ABLIM3: variants seen among roughly 807,000 people sequenced by gnomAD.
ABLIM3 encodes actin-binding LIM protein 3.
Under a neutral mutation model 109.5 loss-of-function variants are expected in ABLIM3, and 61 were observed. The observed-to-expected ratio is 0.56, with a 90% CI of 0.45 to 0.69. The LOEUF (loss-of-function observed/expected upper bound fraction) is 0.69, where lower values mean the gene tolerates loss of function less well. ABLIM3 is among the 30% of genes least tolerant of loss of function. The pLI, the probability that ABLIM3 is intolerant of heterozygous loss-of-function variation, is 0.00. For synonymous variants in ABLIM3, 300 were observed against 324.8 expected (o/e 0.92, Z 0.82); for missense variants, 796 against 889.5 (o/e 0.89, Z 1.34).
chr5:149,154,612 G>C lies in ABLIM3; in HGVS notation c.13+12504G>C, dbSNP rs529140494. ...CAACAATCTTACATGGGCCTTCCTTGAATTCTGTGTCTAGGGAATATCCCC... is the reference window on the plus strand; with the variant it reads ...CAACAATCTTACATGGGCCTTCCTTCAATTCTGTGTCTAGGGAATATCCCC... On this transcript the variant is annotated intron_variant, in intron 2 of 23. Coordinates refer to ENST00000309868, the MANE Select transcript of ABLIM3 (RefSeq NM_014945.5). Among the ~76,000 whole-genome samples the C allele has an allele frequency of 2.0e-5, 3 of 152,242 alleles. No individual in the cohort carries two copies. In the East Asian group the frequency reaches 5.8e-4, roughly 29 times the overall value.
rs368655320 is a variant in ABLIM3 at position 149,183,444 on chromosome 5, T to C, written c.14-8T>C. ...CTCTGGATAGTGATCTCTTTGTTTC[T>C]TTTACAGTTCCTTATCAGCAGAATC... On this transcript the variant is annotated splice_polypyrimidine_tract_variant and splice_region_variant and intron_variant, in intron 2 of 23. Coordinates refer to ENST00000309868, the MANE Select transcript of ABLIM3 (RefSeq NM_014945.5). 903 of 1,525,320 alleles carry C rather than the reference T, an allele frequency of 5.9e-4. No individual in the cohort carries two copies. Among genetic ancestry groups the C allele is most frequent in the Middle Eastern group, 3.8e-3 (22 of 5,742 alleles). The allele number at this position is 1,525,320 out of a possible 1,614,324, so 94.5% of individuals were successfully genotyped here.
intron 2 of ABLIM3, among the ~76,000 whole-genome samples, chr5:149,142,935 A>G (rs13153921): frequency 0.44 from 66,421 of 151,770 alleles, 15,135 homozygotes; most frequent in Admixed American, 0.56. Flanking sequence ...TGTCTAGGTT[A>G]TTCCAGCATC....
intron 2 of ABLIM3, among the ~76,000 whole-genome samples, chr5:149,170,228 T>TTCTCTCTCTCTCTCTCTCTCTCTCTC (rs10644957): frequency 1.4e-4 from 17 of 124,658 alleles, no homozygotes; most frequent in African/African-American, 4.7e-4. Flanking sequence ...AGGGTTCTGT[T>TTCTCTCTCTCTCTCTCTCTCTCTCTC]TCTCTCTCTC....
chr5:149,231,933 C>A (rs894041206), intron 9 of ABLIM3, among the ~76,000 whole-genome samples: 6 of 152,158 alleles, frequency 3.9e-5, no homozygotes, highest in African/African-American at 1.4e-4. Flanking sequence ...AAAATAAATT[C>A]AATGATAATG....
At chr5:149,216,298 G>A (rs1052435038) in intron 7 of ABLIM3, among the ~76,000 whole-genome samples, 1 of 152,150 alleles carries the variant, frequency 6.6e-6, no homozygotes, top group Non-Finnish European at 1.5e-5. Context: ...ACTTATATAC[G>A]ACATAACAGG....
At chr5:149,179,331 T>C (rs1035542049) in intron 2 of ABLIM3, among the ~76,000 whole-genome samples, 1 of 152,128 alleles carries the variant, frequency 6.6e-6, no homozygotes, top group Non-Finnish European at 1.5e-5. Flanking sequence ...TGTTTTGTCT[T>C]AAAAAATTAT....
chr5:149,212,671 GC>G (rs2127519189), intron 7 of ABLIM3, among the ~76,000 whole-genome samples: 1 of 152,274 alleles, frequency 6.6e-6, no homozygotes, highest in African/African-American at 2.4e-5. Context: ...GCTAAAAGTT[GC>G]ACCAAAGAAT....
chr5:149,222,320 G>A (rs1211476543), intron 8 of ABLIM3, among the ~76,000 whole-genome samples: 1 of 152,124 alleles, frequency 6.6e-6, no homozygotes, highest in Non-Finnish European at 1.5e-5. Flanking sequence ...AGTTTCAAGA[G>A]CATACGCCAC....
At chr5:149,181,072 G>A (rs991552997) in intron 2 of ABLIM3, among the ~76,000 whole-genome samples, 2 of 152,170 alleles carry the variant, frequency 1.3e-5, no homozygotes, top group South Asian at 2.1e-4. Flanking sequence ...AGCACTCAGC[G>A]TTAATGATGA....
chr5:149,149,872 C>T (rs1413951294), intron 2 of ABLIM3, among the ~76,000 whole-genome samples: 1 of 152,170 alleles, frequency 6.6e-6, no homozygotes, highest in East Asian at 1.9e-4. Context: ...AACTGTGGCT[C>T]ATGACCCACT....
Position 149,259,497 on chromosome 5 carries a change from AC to A in ABLIM3, c.*1098del, listed in dbSNP as rs1754727443. On this transcript the variant is annotated 3_prime_UTR_variant, in exon 24 of 24. Transcript: ENST00000309868. ...TGGGCTGGCAGGGCAACCATACCAT[AC>A]CCCCGCCAGTCCTCGGCTCCTGCTG... The A allele has an allele frequency of 6.5e-7, 1 of 1,535,332 alleles. No homozygotes were observed. The highest frequency in any genetic ancestry group is 8.7e-7 in the Non-Finnish European group (1 of 1,146,732).
At position 149,250,545 on chromosome 5, in the gene ABLIM3, C is replaced by T. The variant is rs370014752; in HGVS notation, c.1788+40C>T. 169 of 1,610,182 alleles carry T rather than the reference C, an allele frequency of 1.0e-4. 3 individuals carry two copies. In the African/African-American group the frequency reaches 1.8e-3, roughly 17 times the overall value. ...TGGAGGATGGGGGAGGACGTTGTCC[C>T]CAAAATGCTAATAAACCCAACATTA... On this transcript the variant is annotated intron_variant, in intron 20 of 23. Transcript: ENST00000309868.
At chr5:149,194,888 G>A (rs1757806506) in intron 3 of ABLIM3, among the ~76,000 whole-genome samples, 2 of 152,054 alleles carry the variant, frequency 1.3e-5, no homozygotes, top group Admixed American at 6.5e-5. Context: ...TCATAAACTC[G>A]GTAGTGGGTA....
chr5:149,237,941 T>C (rs890553437), intron 11 of ABLIM3, among the ~76,000 whole-genome samples: 6 of 152,182 alleles, frequency 3.9e-5, no homozygotes, highest in African/African-American at 1.4e-4. Context: ...TGACCACTTA[T>C]TACTCAAGCT....
chr5:149,170,883 C>A (rs1187936778), intron 2 of ABLIM3, among the ~76,000 whole-genome samples: 9 of 152,070 alleles, frequency 5.9e-5, no homozygotes, highest in Admixed American at 5.9e-4. Flanking sequence ...CTGTATTTTT[C>A]TTGGTTACTT....
In ABLIM3 at chr5:149,198,807, A is replaced by G. The variant is rs1055530574; in HGVS notation, c.335+405A>G. 6.6e-6 allele frequency among the ~76,000 whole-genome samples: 1 copy of G among 152,132 alleles called. No homozygotes were observed. The highest frequency in any genetic ancestry group is 1.5e-5 in the Non-Finnish European group (1 of 68,010). On this transcript the variant is annotated intron_variant, in intron 4 of 23. Coordinates refer to ENST00000309868, the MANE Select transcript of ABLIM3 (RefSeq NM_014945.5). This position sits in a 1 kb window ranked among gnomAD's most constrained non-coding sequence, Gnocchi z 4.2. ...GGATGTCTGTACATAGCCTTCCTCC[A>G]TCATCCTGGCACCACCTCATGCTGT...
At chr5:149,172,553 T>C (rs949697384) in intron 2 of ABLIM3, among the ~76,000 whole-genome samples, 1 of 152,194 alleles carries the variant, frequency 6.6e-6, no homozygotes, top group Non-Finnish European at 1.5e-5. Flanking sequence ...AGCATGTGAC[T>C]TCCCTCAGAT....
At chr5:149,250,377 C>A (rs1753802220) in intron 19 of ABLIM3, 70 bp from the exon 20 acceptor site, 1 of 1,525,200 alleles carries the variant, frequency 6.6e-7, no homozygotes, top group East Asian at 2.3e-5. Flanking sequence ...CCATTGGTAG[C>A]CAGATGACCT....
At chr5:149,187,643 C>T (rs1581081608) in intron 3 of ABLIM3, among the ~76,000 whole-genome samples, 1 of 152,146 alleles carries the variant, frequency 6.6e-6, no homozygotes, top group South Asian at 2.1e-4. Context: ...TTAACTTCCT[C>T]GTAAAGCAAC....
Sources: gnomAD v4.1 joint callset for allele counts (sites outside exome capture counted in the v4.1 genomes callset) on GRCh38, gnomAD v4.1.1 for gene constraint, Gnocchi (gnomAD v3.1) non-coding constraint, MANE v1.5 for transcripts, NCBI Gene and HGNC (gene_info 2026-07-23, HGNC 2026-07-21) for gene names.